Variants in CSNK1G1 observed in about 807,000 individuals in gnomAD.
CSNK1G1 encodes the protein casein kinase I isoform gamma-1.
A neutral mutation model predicts 59.6 loss-of-function variants in CSNK1G1; 22 were observed. The observed-to-expected ratio is 0.37, with a 90% CI of 0.26 to 0.53. CSNK1G1 has a LOEUF of 0.53. Ranked by LOEUF, CSNK1G1 falls within the 20% of genes least tolerant of loss-of-function variation. The pLI, the probability that CSNK1G1 is intolerant of heterozygous loss-of-function variation, is 0.89. For missense variants in CSNK1G1, 384 were observed against 519.5 expected (o/e 0.74, Z 2.54); for synonymous variants, 179 against 177.1 (o/e 1.01, Z -0.08).
intron 2 of CSNK1G1, among the ~76,000 whole-genome samples, chr15:64,299,092 C>G (rs1566938253): frequency 6.6e-6 from 1 of 150,970 alleles, no homozygotes; most frequent in Non-Finnish European, 1.5e-5. Flanking sequence ...TATGTTCCCA[C>G]CCTCCCACCA....
At chr15:64,218,960 T>C (rs2082349384) in intron 4 of CSNK1G1, among the ~76,000 whole-genome samples, 1 of 150,430 alleles carries the variant, frequency 6.6e-6, no homozygotes, top group African/African-American at 2.4e-5. Flanking sequence ...GTTCAAGCCA[T>C]TCTCCTGCCT....
At chr15:64,251,840 C>A (rs146013338) in intron 3 of CSNK1G1, among the ~76,000 whole-genome samples, 9 of 152,192 alleles carry the variant, frequency 5.9e-5, no homozygotes, top group African/African-American at 2.2e-4. Context: ...ATCTTTCTTG[C>A]AATGAAATAT....
At chr15:64,353,887 A>G (rs1292670786) in intron 1 of CSNK1G1, among the ~76,000 whole-genome samples, 1 of 152,202 alleles carries the variant, frequency 6.6e-6, no homozygotes. Context: ...TCTATATCGT[A>G]ATAAGGAATG....
chr15:64,279,377 T>A (rs779710748), intron 2 of CSNK1G1, among the ~76,000 whole-genome samples: 3 of 152,236 alleles, frequency 2.0e-5, no homozygotes, highest in Non-Finnish European at 4.4e-5. Flanking sequence ...GATGGAATTA[T>A]CTAATAAGCA....
At chr15:64,348,751 T>C (rs754812685) in intron 1 of CSNK1G1, among the ~76,000 whole-genome samples, 1 of 152,088 alleles carries the variant, frequency 6.6e-6, no homozygotes, top group Non-Finnish European at 1.5e-5. Context: ...CTGGTGATTA[T>C]CATGGATACT....
Position 64,300,444 on chromosome 15 carries a change from G to GC in CSNK1G1, c.55dup (p.Ala19GlyfsTer44). ...TCGAGAGCAGTGTGCACTCCTTTGTGCCATGGGTTTAGTTGTCCGTTGTCT... is the reference window on the plus strand; with the variant it reads ...TCGAGAGCAGTGTGCACTCCTTTGTGCCCATGGGTTTAGTTGTCCGTTGTCT... On this transcript the variant is annotated frameshift_variant, in exon 2 of 12. Coordinates refer to ENST00000303052, the MANE Select transcript of CSNK1G1 (RefSeq NM_022048.5). LOFTEE classifies it high-confidence loss of function. 6.2e-7 allele frequency: 1 copy of GC among 1,614,170 alleles called. No individual in the cohort carries two copies. The highest frequency in any genetic ancestry group is 8.5e-7 in the Non-Finnish European group (1 of 1,180,030).
intron 1 of CSNK1G1, among the ~76,000 whole-genome samples, chr15:64,327,184 G>GGCCT (rs1566949179): frequency 2.0e-5 from 3 of 152,230 alleles, no homozygotes; most frequent in Admixed American, 6.5e-5. Flanking sequence ...ACCTCAAGGA[G>GGCCT]GCCTGCCTGC....
In CSNK1G1 at chr15:64,167,408, A is replaced by C. The variant is rs1250682616; in HGVS notation, c.*4523T>G. The C allele has an allele frequency of 6.5e-6, 1 of 152,686 alleles. No homozygotes were observed. The highest frequency in any genetic ancestry group is 1.9e-4 in the East Asian group (1 of 5,200). 9.5% of individuals were successfully genotyped at this position (152,686 alleles called of 1,614,324 possible). On this transcript the variant is annotated 3_prime_UTR_variant, in exon 12 of 12. Coordinates refer to ENST00000303052, the MANE Select transcript of CSNK1G1 (RefSeq NM_022048.5). ...GATTCCTATCAACCCCTCATGGGAAAGACTAGGAGTCTCTGCCATCGACCT... is the reference window on the plus strand; with the variant it reads ...GATTCCTATCAACCCCTCATGGGAACGACTAGGAGTCTCTGCCATCGACCT...
chr15:64,224,777 G>T (rs1444545403), intron 4 of CSNK1G1, among the ~76,000 whole-genome samples: 2 of 152,148 alleles, frequency 1.3e-5, no homozygotes, highest in Admixed American at 1.3e-4. Context: ...TTTGTATGGT[G>T]GGGGAAGAGG....
At chr15:64,354,634 C>CAATA (rs1898537509) in intron 1 of CSNK1G1, among the ~76,000 whole-genome samples, 1 of 152,020 alleles carries the variant, frequency 6.6e-6, no homozygotes. Flanking sequence ...TATCCGGTTG[C>CAATA]TTTCCTATCT....
intron 4 of CSNK1G1, among the ~76,000 whole-genome samples, chr15:64,227,380 A>C (rs931253728): frequency 1.3e-5 from 2 of 152,244 alleles, no homozygotes; most frequent in African/African-American, 4.8e-5. Context: ...ATTGTAAATG[A>C]TATCTACAGT....
In CSNK1G1 at chr15:64,180,445, A is replaced by C; in HGVS notation, c.1117T>G (p.Ser373Ala). 1 of 1,613,680 alleles carries C rather than the reference A, an allele frequency of 6.2e-7. No homozygotes were observed. The highest frequency in any genetic ancestry group is 8.5e-7 in the Non-Finnish European group (1 of 1,179,616). The change falls in exon 11 of 12, where the codon TCA becomes GCA. Residue 373 changes from serine (S) to alanine (A), a missense_variant. Physicochemically the swap from Ser to Ala is moderately conservative, Grantham distance 99. Coordinates refer to ENST00000303052, the MANE Select transcript of CSNK1G1 (RefSeq NM_022048.5). ...QQPLRNQVVS[S>A]TNGELNVDDP... is the part of the protein sequence containing the mutation. The stretch of plus-strand genomic sequence containing the variant: ...TCAACATTCAGCTCTCCATTGGTTG[A>C]GCTAACCACCTGAAACAGAAAGACA...
At chr15:64,293,554 C>A (rs541654421) in intron 2 of CSNK1G1, among the ~76,000 whole-genome samples, 1 of 152,280 alleles carries the variant, frequency 6.6e-6, no homozygotes, top group East Asian at 1.9e-4. Context: ...AAATTGCAAA[C>A]GTACATATCC....
At chr15:64,251,090 G>T (rs1892056315) in intron 4 of CSNK1G1, among the ~76,000 whole-genome samples, 1 of 152,216 alleles carries the variant, frequency 6.6e-6, no homozygotes, top group South Asian at 2.1e-4. Context: ...TGGATAAAAT[G>T]ACGGTTCTGT....
chr15:64,355,222 G>A (rs1403125956), intron 1 of CSNK1G1, among the ~76,000 whole-genome samples: 2 of 152,152 alleles, frequency 1.3e-5, no homozygotes, highest in Admixed American at 6.6e-5. Flanking sequence ...CTAGCCTATT[G>A]TTAAATGCTT....
intron 2 of CSNK1G1, among the ~76,000 whole-genome samples, chr15:64,281,950 T>C (rs1894164393): frequency 6.6e-6 from 1 of 151,600 alleles, no homozygotes; most frequent in Non-Finnish European, 1.5e-5. Flanking sequence ...AAACACAGTG[T>C]CTATTCTGCT....
At chr15:64,311,769 A>G (rs971441726) in intron 1 of CSNK1G1, among the ~76,000 whole-genome samples, 4 of 151,226 alleles carry the variant, frequency 2.6e-5, no homozygotes, top group African/African-American at 9.7e-5. Flanking sequence ...AATCCCAGCT[A>G]CTTGGGTGGC....
At chr15:64,336,655 G>A (rs143806838) in intron 1 of CSNK1G1, among the ~76,000 whole-genome samples, 1 of 152,098 alleles carries the variant, frequency 6.6e-6, no homozygotes, top group African/African-American at 2.4e-5. Context: ...CAAAATAACT[G>A]ACATAGATAT....
rs531367701 is a variant in CSNK1G1 at position 64,203,694 on chromosome 15, T to TAAAAAAA, written c.1000-512_1000-506dup. ...CCTGGGCAACAAGAGTGAAACTCCG[T>TAAAAAAA]AAAAAAAAAAAAAAAAAAAAAAAAA... On this transcript the variant is annotated intron_variant, in intron 9 of 11. Transcript: ENST00000303052. 9.3e-4 allele frequency among the ~76,000 whole-genome samples: 52 copies of TAAAAAAA among 56,172 alleles called. 1 individual carries two copies. The highest frequency in any genetic ancestry group is 3.2e-3 in the African/African-American group (42 of 12,950). 36.9% of individuals were successfully genotyped at this position (56,172 alleles called of 152,430 possible). A position where few individuals can be genotyped will look rare whatever the true frequency, so the allele number is the denominator to read the frequency against.
Sources: allele counts gnomAD v4.1 joint callset (sites outside exome capture counted in the v4.1 genomes callset), GRCh38; gene constraint gnomAD v4.1.1; transcripts MANE v1.5; gene names NCBI Gene and HGNC (gene_info 2026-07-23, HGNC 2026-07-21).